Variants in EPN3 observed in about 807,000 individuals in gnomAD.
EPN3 encodes epsin-3.
EPN3 carries 56 observed loss-of-function variants against 55.5 expected under a neutral mutation model. The observed-to-expected ratio is 1.01, with a 90% confidence interval of 0.81 to 1.26. EPN3 has a LOEUF of 1.26. EPN3 is among the 50% of genes most tolerant of loss of function. EPN3 has a pLI of 0.00. For missense variants in EPN3, 927 were observed against 853.4 expected (o/e 1.09, Z -1.07); for synonymous variants, 449 against 375.2 (o/e 1.20, Z -2.27).
At chr17:50,538,843 T>TG in intron 3 of EPN3, 41 bp from the exon 4 acceptor site, 1 of 1,479,916 alleles carries the variant, frequency 6.8e-7, no homozygotes, top group Non-Finnish European at 9.1e-7. Context: ...GGTCCCAAGG[T>TG]GGGGGTACAG....
At chr17:50,533,211 G>A (rs1380716401) in intron 1 of EPN3, among the ~76,000 whole-genome samples, 1 of 152,050 alleles carries the variant, frequency 6.6e-6, no homozygotes, top group Non-Finnish European at 1.5e-5. Flanking sequence ...AGCATCTTTG[G>A]TGGCATCTTA....
Position 50,542,322 on chromosome 17 carries a change from C to G in EPN3, c.*165C>G. 1 of 666,120 alleles carries G rather than the reference C, an allele frequency of 1.5e-6. No homozygotes were observed. The highest frequency in any genetic ancestry group is 2.2e-6 in the Non-Finnish European group (1 of 446,100). The allele number at this position is 666,120 out of a possible 1,614,324, so 41.3% of individuals were successfully genotyped here. On this transcript the variant is annotated 3_prime_UTR_variant, in exon 10 of 10. Transcript: ENST00000268933. ...CTGGACGCGGACCACGGCCCGGGAG[C>G]TAGAAACTGAACGCCCGCATAATAA... is the stretch of plus-strand genomic sequence containing the variant.
At chr17:50,533,017 G>T (rs1243455727) in intron 1 of EPN3, 32 bp downstream of exon 1, 1 of 1,244,200 alleles carries the variant, frequency 8.0e-7, no homozygotes, top group South Asian at 1.3e-5. Flanking sequence ...CTCCCTGGCA[G>T]TGGCGGCATG....
chr17:50,536,964 T>A lies in EPN3; in HGVS notation c.408T>A (p.Asp136Glu), dbSNP rs766331810. The change falls in exon 2 of 10, where the codon GAT (aspartate) becomes GAA (glutamate). Residue 136 changes from aspartate (D) to glutamate (E), a missense_variant. Asp to Glu is a conservative substitution (Grantham distance 45). Coordinates refer to ENST00000268933, the MANE Select transcript of EPN3 (RefSeq NM_017957.3). ...AGCAGGTGATGGCCCTGCTCAAGGATGAGGAGCGGCTGCGGCAGGAGCGAA... is the reference window on the plus strand; with the variant it reads ...AGCAGGTGATGGCCCTGCTCAAGGAAGAGGAGCGGCTGCGGCAGGAGCGAA... ...KVKQVMALLK[D>E]EERLRQERTH... is the part of the protein sequence containing the mutation. 4 of 1,613,942 alleles carry A rather than the reference T, an allele frequency of 2.5e-6. No individual in the cohort carries two copies. The highest frequency in any genetic ancestry group is 3.3e-5 in the Admixed American group (2 of 60,030).
In EPN3 at chr17:50,538,912, A is replaced by C. The variant is rs768726771; in HGVS notation, c.710A>C (p.Glu237Ala). Reference sequence around the variant, plus strand: ...GTCCCCCCAGCCTCCCACAGGGACGAGGACCTGCAGCTGCAGCTGGCTCTG... The same window carrying C: ...GTCCCCCCAGCCTCCCACAGGGACGCGGACCTGCAGCTGCAGCTGGCTCTG... ...KPVPPASHRDEDLQLQLALRL... is the reference protein window; with the variant it reads ...KPVPPASHRDADLQLQLALRL... The change falls in exon 4 of 10, where the codon GAG becomes GCG. Residue 237 changes from glutamate (E) to alanine (A), a missense_variant. Glu to Ala is a moderately radical substitution (Grantham distance 107). Transcript: ENST00000268933. 9.3e-6 allele frequency: 15 copies of C among 1,608,528 alleles called. No individual in the cohort carries two copies. In the East Asian group the frequency reaches 3.4e-4, roughly 36 times the overall value.
At chr17:50,533,111 A>C (rs867684507) in intron 1 of EPN3, 126 bp downstream of exon 1, 8 of 513,940 alleles carry the variant, frequency 1.6e-5, no homozygotes, top group Middle Eastern at 1.4e-3. Flanking sequence ...TGAGCTGTAG[A>C]GGACCTAAAG....
intron 3 of EPN3, 169 bp downstream of exon 3, chr17:50,538,366 C>T (rs1567904348): frequency 1.7e-6 from 1 of 595,002 alleles, no homozygotes; most frequent in Non-Finnish European, 3.0e-6. Context: ...CAGGGACTGC[C>T]TCCCTGCCTC....
At chr17:50,535,611 A>G (rs947740970) in intron 1 of EPN3, among the ~76,000 whole-genome samples, 18 of 152,142 alleles carry the variant, frequency 1.2e-4, no homozygotes, top group African/African-American at 4.1e-4. Context: ...CACCTCCTCT[A>G]GGAAGTCTCC....
chr17:50,541,176 C>T, intron 7 of EPN3, 53 bp from the exon 8 acceptor site: 1 of 1,609,946 alleles, frequency 6.2e-7, no homozygotes, highest in Non-Finnish European at 8.5e-7. Context: ...AGGGGTCAGA[C>T]CAACACCTGC....
intron 2 of EPN3, chr17:50,537,493 T>C (rs1597861179): frequency 7.8e-6 from 2 of 257,462 alleles, no homozygotes; most frequent in East Asian, 9.5e-5. Flanking sequence ...CCTACCTCCA[T>C]TGTTTGATCT....
intron 1 of EPN3, among the ~76,000 whole-genome samples, chr17:50,534,241 C>T (rs995837679): frequency 1.6e-4 from 24 of 152,330 alleles, no homozygotes; most frequent in Admixed American, 1.2e-3. Context: ...TTTCTGGCCC[C>T]GCCCTTCCCC....
rs754305102 is a variant in EPN3, at chr17:50,541,132, T to C, written c.1249+70T>C. On this transcript the variant is annotated intron_variant, in intron 7 of 9. Coordinates refer to ENST00000268933, the MANE Select transcript of EPN3 (RefSeq NM_017957.3). ...CCAGGCAGGGCCAAGGGGCAGCAGA[T>C]ACTGTTTGTGTTAGGAGGACAGCTT... 9.4e-5 allele frequency: 150 copies of C among 1,590,398 alleles called. 1 individual carries two copies. The highest frequency in any genetic ancestry group is 3.3e-4 in the Middle Eastern group (2 of 5,978).
Position 50,542,223 on chromosome 17 carries a change from G to C in EPN3, c.*66G>C. ...GCTCCGCGGCCCCGCCTCCGGACCC[G>C]GGGCTGGGCGGGGCGCCGGTGCTAG... On this transcript the variant is annotated 3_prime_UTR_variant, in exon 10 of 10. Transcript: ENST00000268933. 1 of 1,388,960 alleles carries C rather than the reference G, an allele frequency of 7.2e-7. No homozygotes were observed. 86.0% of individuals were successfully genotyped at this position (1,388,960 alleles called of 1,614,324 possible).
At chr17:50,538,343 G>T in intron 3 of EPN3, 146 bp downstream of exon 3, 1 of 628,910 alleles carries the variant, frequency 1.6e-6, no homozygotes, top group Non-Finnish European at 2.7e-6. Context: ...TATCTCTGTC[G>T]GTTTGTCGCA....
chr17:50,541,724 G>A (rs759929471), intron 9 of EPN3, 30 bp downstream of exon 9: 5 of 1,611,476 alleles, frequency 3.1e-6, no homozygotes, highest in South Asian at 2.2e-5. Context: ...CTCAACCCAG[G>A]GGCTCCTGCT....
At chr17:50,538,523 C>T (rs1036487757) in intron 3 of EPN3, 2 of 434,720 alleles carry the variant, frequency 4.6e-6, no homozygotes, top group African/African-American at 4.0e-5. Flanking sequence ...TGCTTCCCAC[C>T]CCCGCCCACC....
rs770673900 is a variant in EPN3 at position 50,537,003 on chromosome 17, G to T, written c.447G>T (p.Lys149Asn). The T allele has an allele frequency of 8.7e-6, 14 of 1,613,556 alleles. No homozygotes were observed. Among genetic ancestry groups the T allele is most frequent in the Non-Finnish European group, 1.1e-5 (13 of 1,179,964 alleles). ...RLRQERTHALKTKERMALEGI... is the reference protein window; with the variant it reads ...RLRQERTHALNTKERMALEGI... ...GGCAGGAGCGAACCCACGCCCTCAA[G>T]ACCAAGGAGCGCATGGCACTGGAGG... is the stretch of plus-strand genomic sequence containing the variant. The change falls in exon 2 of 10, where the codon AAG (lysine) becomes AAT (asparagine). Residue 149 changes from lysine (K) to asparagine (N), a missense_variant. By Grantham distance (94) the Lys-to-Asn change is moderately conservative (BLOSUM62 0). Coordinates refer to ENST00000268933, the MANE Select transcript of EPN3 (RefSeq NM_017957.3).
chr17:50,539,046 G>A (rs182378218), intron 4 of EPN3, 82 bp downstream of exon 4: 45 of 1,533,514 alleles, frequency 2.9e-5, no homozygotes, highest in Admixed American at 9.5e-5. Context: ...GCCTCCTCCC[G>A]CTGTACCCGG....
chr17:50,536,651 C>G lies in EPN3; in HGVS notation c.95C>G (p.Pro32Arg), dbSNP rs2034766889. ...GTGCGCGAGGCCACCAGCAATGACC[C>G]CTGGGGCCCCCCTAGTTCGCTCATG... ...IKVREATSND[P>R]WGPPSSLMSE... The change falls in exon 2 of 10, where the codon CCC (proline) becomes CGC (arginine). Residue 32 changes from proline (P) to arginine (R), a missense_variant. Coordinates refer to ENST00000268933, the MANE Select transcript of EPN3 (RefSeq NM_017957.3). 18 of 1,613,978 alleles carry G rather than the reference C, an allele frequency of 1.1e-5. No homozygotes were observed. Among genetic ancestry groups the G allele is most frequent in the Non-Finnish European group, 1.4e-5 (17 of 1,179,986 alleles).
Sources: gnomAD v4.1 joint callset for allele counts (sites outside exome capture counted in the v4.1 genomes callset) on GRCh38, gnomAD v4.1.1 for gene constraint, MANE v1.5 for transcripts, NCBI Gene and HGNC (gene_info 2026-07-23, HGNC 2026-07-21) for gene names.